The following MAD1L1 variants were observed in gnomAD, a reference collection of about 807,000 sequenced individuals.
The protein encoded by MAD1L1 is mitotic arrest deficient 1 like 1.
A neutral mutation model predicts 96.9 loss-of-function variants in MAD1L1; 95 were observed. The ratio of observed to expected loss-of-function variants is 0.98; its 90% CI spans 0.83 to 1.16. The LOEUF is 1.16. Ranked by LOEUF, MAD1L1 falls within the 50% of genes most tolerant of loss-of-function variation. MAD1L1 has a pLI of 0.00. For synonymous variants in MAD1L1, 473 were observed against 396.6 expected, an observed-to-expected ratio of 1.19 and a Z score of -2.29; for missense variants, 1,007 against 954.4, an observed-to-expected ratio of 1.06 and a Z score of -0.73.
At chr7:2,030,074 T>A (rs1311088013) in intron 12 of MAD1L1, among the ~76,000 whole-genome samples, 2 of 151,980 alleles carry the variant, frequency 1.3e-5, no homozygotes, top group Admixed American at 6.6e-5. Flanking sequence ...GGAAATCGAG[T>A]CTTTGGCCCA....
chr7:2,162,191 G>A (rs1037158998), intron 10 of MAD1L1, among the ~76,000 whole-genome samples: 3 of 151,356 alleles, frequency 2.0e-5, no homozygotes, highest in East Asian at 1.9e-4. Flanking sequence ...GATTGTTACT[G>A]TGTCTGTGTA....
intron 12 of MAD1L1, among the ~76,000 whole-genome samples, chr7:2,057,758 T>C (rs928941892): frequency 6.6e-6 from 1 of 152,226 alleles, no homozygotes; most frequent in African/African-American, 2.4e-5. Flanking sequence ...GGGTAGGCCT[T>C]CGTGACAAAG....
chr7:2,042,571 G>T (rs1018029119), intron 12 of MAD1L1, among the ~76,000 whole-genome samples: 1 of 152,214 alleles, frequency 6.6e-6, no homozygotes, highest in Non-Finnish European at 1.5e-5. Flanking sequence ...TCCCAAAGGT[G>T]GAGGTGGGGC....
chr7:2,141,602 C>T (rs1337134467), intron 11 of MAD1L1, among the ~76,000 whole-genome samples: 1 of 152,204 alleles, frequency 6.6e-6, no homozygotes, highest in Admixed American at 6.5e-5. Flanking sequence ...CGCCCGCTCA[C>T]CCAGACATCT....
intron 17 of MAD1L1, among the ~76,000 whole-genome samples, chr7:1,929,596 ATG>A (rs1229629725): frequency 6.6e-6 from 1 of 151,926 alleles, no homozygotes; most frequent in East Asian, 1.9e-4. Context: ...GGGCCTCTTT[ATG>A]TGTTTCTGTG....
chr7:1,952,873 C>T lies in MAD1L1; in HGVS notation c.1596+4756G>A, dbSNP rs150474707. Among the ~76,000 whole-genome samples, 835 of 152,342 alleles carry T rather than the reference C, an allele frequency of 5.5e-3. 13 individuals are homozygous for T. The highest frequency in any genetic ancestry group is 0.019 in the African/African-American group (800 of 41,584). On this transcript the variant is annotated intron_variant, in intron 16 of 18. Coordinates refer to ENST00000265854, the MANE Select transcript of MAD1L1 (RefSeq NM_001013836.2). ...TCCCACTGATGAGCCACATGCGTTA[C>T]TAAGAGTCCAGCGAGCGGGAGAGGC...
At chr7:2,087,097 C>A (rs1169755182) in intron 11 of MAD1L1, among the ~76,000 whole-genome samples, 1 of 152,166 alleles carries the variant, frequency 6.6e-6, no homozygotes, top group Non-Finnish European at 1.5e-5. Flanking sequence ...TGGCTGCTGG[C>A]GGCAGGGGAA....
At chr7:2,183,097 C>A (rs1046394655) in intron 10 of MAD1L1, among the ~76,000 whole-genome samples, 1 of 151,800 alleles carries the variant, frequency 6.6e-6, no homozygotes, top group African/African-American at 2.4e-5. Context: ...TGGCTCACAC[C>A]TGTATTCCAA....
chr7:2,059,698 C>G (rs1008522214), intron 12 of MAD1L1, among the ~76,000 whole-genome samples: 1 of 151,218 alleles, frequency 6.6e-6, no homozygotes, highest in Non-Finnish European at 1.5e-5. Context: ...GGAAGCGTAG[C>G]CAGGGGAGAA....
intron 11 of MAD1L1, among the ~76,000 whole-genome samples, chr7:2,073,881 G>C (rs1338842273): frequency 5.3e-5 from 8 of 152,184 alleles, no homozygotes; most frequent in Admixed American, 4.6e-4. Flanking sequence ...GCAGCAGAGA[G>C]ACACCCACTC....
chr7:1,969,241 A>G (rs1171191751), intron 15 of MAD1L1, among the ~76,000 whole-genome samples: 1 of 152,074 alleles, frequency 6.6e-6, no homozygotes, highest in African/African-American at 2.4e-5. Context: ...AAAATTAGCC[A>G]GGCATGGTGG....
intron 10 of MAD1L1, among the ~76,000 whole-genome samples, chr7:2,152,557 G>A (rs956305239): frequency 3.9e-5 from 6 of 152,154 alleles, no homozygotes; most frequent in African/African-American, 7.2e-5. Flanking sequence ...AACGTCACAC[G>A]GGACCAGTCT....
chr7:1,910,578 C>A (rs1003359617), intron 17 of MAD1L1, among the ~76,000 whole-genome samples: 1 of 152,192 alleles, frequency 6.6e-6, no homozygotes, highest in African/African-American at 2.4e-5. Context: ...TTCAGAAAAG[C>A]CTCCCTGGGC....
chr7:2,070,467 G>A (rs948105260), intron 11 of MAD1L1, among the ~76,000 whole-genome samples: 1 of 152,090 alleles, frequency 6.6e-6, no homozygotes, highest in Admixed American at 6.5e-5. Context: ...AGGAGAGTCA[G>A]GACTCCACAG....
chr7:1,945,196 C>T (rs756788981), intron 16 of MAD1L1, among the ~76,000 whole-genome samples: 2 of 152,226 alleles, frequency 1.3e-5, no homozygotes, highest in African/African-American at 2.4e-5. Flanking sequence ...CTGTTGCCAG[C>T]GGGACACCCC....
At chr7:2,227,951 G>A (rs1793989882) in intron 3 of MAD1L1, among the ~76,000 whole-genome samples, 1 of 152,212 alleles carries the variant, frequency 6.6e-6, no homozygotes, top group Non-Finnish European at 1.5e-5. Context: ...CGATGTGTGA[G>A]AAACCAGACA....
At chr7:2,002,257 G>A (rs1269692864) in intron 13 of MAD1L1, 136 bp from the exon 14 acceptor site, 2 of 803,720 alleles carry the variant, frequency 2.5e-6, no homozygotes, top group Non-Finnish European at 4.1e-6. Context: ...CTGGGAAGTG[G>A]GCAGCCAGAG....
At chr7:2,150,471 T>A (rs1218737654) in intron 10 of MAD1L1, among the ~76,000 whole-genome samples, 1 of 152,070 alleles carries the variant, frequency 6.6e-6, no homozygotes, top group Non-Finnish European at 1.5e-5. Flanking sequence ...CATCAGCTCA[T>A]CCAGCGCTCA....
chr7:2,037,933 G>C (rs1262823760), intron 12 of MAD1L1, among the ~76,000 whole-genome samples: 1 of 152,198 alleles, frequency 6.6e-6, no homozygotes, highest in African/African-American at 2.4e-5. Flanking sequence ...GCTTAGTGAG[G>C]AAGGCGTGCC....
Sources: gnomAD v4.1 joint callset for allele counts (sites outside exome capture counted in the v4.1 genomes callset) on GRCh38, gnomAD v4.1.1 for gene constraint, MANE v1.5 for transcripts, NCBI Gene and HGNC (gene_info 2026-07-23, HGNC 2026-07-21) for gene names.